The following LUZP2 variants were observed in gnomAD, a reference collection of about 807,000 sequenced individuals.
LUZP2 encodes the protein leucine zipper protein 2.
Under a neutral mutation model 51.6 loss-of-function variants are expected in LUZP2, and 52 were observed. The ratio of observed to expected loss-of-function variants is 1.01; its 90% confidence interval spans 0.81 to 1.27. The LOEUF is 1.27. Ranked by LOEUF, LUZP2 falls within the 50% of genes most tolerant of loss-of-function variation. The pLI, the probability that LUZP2 is intolerant of heterozygous loss-of-function variation, is 0.00. For missense variants in LUZP2, 436 were observed against 395.4 expected (o/e 1.10, Z -0.87); for synonymous variants, 154 against 137.3 (o/e 1.12, Z -0.85).
At chr11:25,006,904 G>C (rs555255247) in intron 9 of LUZP2, among the ~76,000 whole-genome samples, 1 of 152,170 alleles carries the variant, frequency 6.6e-6, no homozygotes, top group African/African-American at 2.4e-5. Context: ...GGACCCAAGC[G>C]GGTTGCTGCT....
chr11:24,786,507 A>T, intron 5 of LUZP2: 4 of 948,830 alleles, frequency 4.2e-6, no homozygotes, highest in Non-Finnish European at 5.0e-6. Context: ...GTGAAGAATA[A>T]AATATGTGTA....
At chr11:24,760,476 G>A (rs533305500) in intron 4 of LUZP2, among the ~76,000 whole-genome samples, 1 of 152,134 alleles carries the variant, frequency 6.6e-6, no homozygotes, top group South Asian at 2.1e-4. Flanking sequence ...CTAGTGTTTT[G>A]GGGTTACTGT....
chr11:24,944,100 T>C (rs768402410), intron 7 of LUZP2, among the ~76,000 whole-genome samples: 2 of 152,266 alleles, frequency 1.3e-5, no homozygotes, highest in Non-Finnish European at 1.5e-5. Flanking sequence ...GGCAATGGTA[T>C]CTGTATTTGT....
At chr11:24,908,997 G>A (rs755213773) in intron 6 of LUZP2, among the ~76,000 whole-genome samples, 1 of 151,634 alleles carries the variant, frequency 6.6e-6, no homozygotes, top group Non-Finnish European at 1.5e-5. Flanking sequence ...TCCTGACCTC[G>A]TGATCCACCT....
At chr11:25,068,284 T>C (rs1398605949) in intron 10 of LUZP2, among the ~76,000 whole-genome samples, 2 of 152,022 alleles carry the variant, frequency 1.3e-5, no homozygotes, top group Non-Finnish European at 2.9e-5. Context: ...CTGGACATTC[T>C]GTACATGTAT....
chr11:25,062,909 A>G (rs1471684218), intron 10 of LUZP2, among the ~76,000 whole-genome samples: 1 of 151,636 alleles, frequency 6.6e-6, no homozygotes, highest in African/African-American at 2.4e-5. Context: ...TTGTTTGACC[A>G]ATATCTTGTT....
chr11:24,874,112 T>C (rs1852170909), intron 5 of LUZP2, among the ~76,000 whole-genome samples: 2 of 152,190 alleles, frequency 1.3e-5, no homozygotes, highest in South Asian at 4.1e-4. Flanking sequence ...TTAAAGCTTG[T>C]GTGTGCGTAA....
At chr11:24,965,423 C>G (rs1164108161) in intron 7 of LUZP2, among the ~76,000 whole-genome samples, 1 of 151,252 alleles carries the variant, frequency 6.6e-6, no homozygotes, top group African/African-American at 2.4e-5. Flanking sequence ...CTCTGTCTAC[C>G]AAGAAAGAAT....
At chr11:24,568,185 C>A (rs908288563) in intron 1 of LUZP2, among the ~76,000 whole-genome samples, 1 of 151,856 alleles carries the variant, frequency 6.6e-6, no homozygotes, top group African/African-American at 2.4e-5. Flanking sequence ...GATGGCGAAA[C>A]CCTGTCTCTA....
chr11:24,976,109 C>A (rs1356538329), intron 7 of LUZP2, among the ~76,000 whole-genome samples: 1 of 151,850 alleles, frequency 6.6e-6, no homozygotes, highest in African/African-American at 2.4e-5. Context: ...TTTTTCCTCT[C>A]CTTATGTGAA....
chr11:24,900,691 C>A (rs748225327), intron 5 of LUZP2, among the ~76,000 whole-genome samples: 1 of 152,138 alleles, frequency 6.6e-6, no homozygotes, highest in Non-Finnish European at 1.5e-5. Context: ...ACTGTTAAAA[C>A]CATGTTCAAA....
At chr11:24,758,770 T>C (rs1206195490) in intron 4 of LUZP2, among the ~76,000 whole-genome samples, 3 of 152,050 alleles carry the variant, frequency 2.0e-5, no homozygotes, top group African/African-American at 7.2e-5. Flanking sequence ...TGGATTTTTT[T>C]CTATCAAGAT....
At chr11:24,646,091 T>C (rs569716076) in intron 1 of LUZP2, among the ~76,000 whole-genome samples, 6 of 152,152 alleles carry the variant, frequency 3.9e-5, no homozygotes, top group African/African-American at 1.4e-4. Context: ...AATTTGAATG[T>C]TGATAACATC....
intron 9 of LUZP2, among the ~76,000 whole-genome samples, chr11:25,044,458 T>G (rs577364305): frequency 6.6e-6 from 1 of 151,860 alleles, no homozygotes; most frequent in Non-Finnish European, 1.5e-5. Context: ...GGCAAAGGCA[T>G]GTATGAAGGA....
chr11:24,795,409 G>T (rs1331190207), intron 5 of LUZP2, among the ~76,000 whole-genome samples: 1 of 152,048 alleles, frequency 6.6e-6, no homozygotes, highest in Non-Finnish European at 1.5e-5. Context: ...AACAGTATGA[G>T]AAATAAGAAG....
At chr11:24,920,782 G>C (rs926212151) in intron 7 of LUZP2, among the ~76,000 whole-genome samples, 4 of 151,806 alleles carry the variant, frequency 2.6e-5, no homozygotes, top group Non-Finnish European at 4.4e-5. Flanking sequence ...TGGATAATGA[G>C]TACTCAGAAG....
chr11:25,009,470 A>C (rs988791812), intron 9 of LUZP2, among the ~76,000 whole-genome samples: 1 of 152,190 alleles, frequency 6.6e-6, no homozygotes, highest in Admixed American at 6.6e-5. Context: ...TTGGAATATT[A>C]GTGTTAGTAC....
intron 9 of LUZP2, among the ~76,000 whole-genome samples, chr11:25,021,307 A>AGC (rs1857324816): frequency 6.6e-6 from 1 of 152,044 alleles, no homozygotes; most frequent in East Asian, 1.9e-4. Flanking sequence ...TGTCAGAAAA[A>AGC]AAAAAAGGAT....
At chr11:24,706,081 C>T (rs1857572870) in intron 1 of LUZP2, among the ~76,000 whole-genome samples, 1 of 152,116 alleles carries the variant, frequency 6.6e-6, no homozygotes, top group South Asian at 2.1e-4. Context: ...GCAGTGACTT[C>T]TACTTGATAC....
Sources: allele counts gnomAD v4.1 joint callset (sites outside exome capture counted in the v4.1 genomes callset), GRCh38; gene constraint gnomAD v4.1.1; transcripts MANE v1.5; gene names NCBI Gene and HGNC (gene_info 2026-07-23, HGNC 2026-07-21).